The following ADAMTS16 variants were observed in gnomAD, a reference collection of about 807,000 sequenced individuals.
ADAMTS16 encodes A disintegrin and metalloproteinase with thrombospondin motifs 16.
A neutral mutation model predicts 145.8 loss-of-function variants in ADAMTS16; 94 were observed. The observed-to-expected ratio is 0.64, with a 90% CI of 0.55 to 0.77. The LOEUF (loss-of-function observed/expected upper bound fraction) is 0.77, where lower values mean the gene tolerates loss of function less well. Among genes scored for constraint, ADAMTS16 ranks in the 30% least tolerant of loss-of-function variants. ADAMTS16 has a pLI of 0.00. For synonymous variants in ADAMTS16, 659 were observed against 604.3 expected (o/e 1.09, Z -1.33); for missense variants, 1,585 against 1,591.5 (o/e 1.00, Z 0.07).
intron 21 of ADAMTS16, among the ~76,000 whole-genome samples, chr5:5,308,727 T>A (rs551251933): frequency 7.9e-5 from 12 of 152,238 alleles, no homozygotes; most frequent in African/African-American, 2.6e-4. Context: ...GGCACGTGGA[T>A]TACCTGAGGT....
At chr5:5,285,653 CTA>C (rs1318313246) in intron 18 of ADAMTS16, among the ~76,000 whole-genome samples, 1 of 152,152 alleles carries the variant, frequency 6.6e-6, no homozygotes, top group African/African-American at 2.4e-5. Flanking sequence ...ACTCTGTAAA[CTA>C]GAGGGATTTG....
At position 5,239,865 on chromosome 5, in the gene ADAMTS16, C is replaced by CTA. The variant is rs778073429; in HGVS notation, c.2466_2467dup (p.Asn823IlefsTer7). 1 of 1,614,070 alleles carries CTA rather than the reference C, an allele frequency of 6.2e-7. No homozygotes were observed. Among genetic ancestry groups the CTA allele is most frequent in the Admixed American group, 1.7e-5 (1 of 60,022 alleles). On this transcript the variant is annotated frameshift_variant, in exon 16 of 23. Coordinates refer to ENST00000274181, the MANE Select transcript of ADAMTS16 (RefSeq NM_139056.4). LOFTEE classifies it high-confidence loss of function. ...GCACTACTTTCGACTACAGACGGTCCTATAATGAGCCCGAGAACTTAATCG... is the reference window on the plus strand; with the variant it reads ...GCACTACTTTCGACTACAGACGGTCCTATATAATGAGCCCGAGAACTTAATCG...
chr5:5,184,264 G>A (rs1007883184), intron 4 of ADAMTS16, among the ~76,000 whole-genome samples: 7 of 151,868 alleles, frequency 4.6e-5, no homozygotes, highest in Non-Finnish European at 8.8e-5. Flanking sequence ...ACAGGTCCTC[G>A]TGTCACCTGT....
Position 5,191,781 on chromosome 5 carries a change from C to A in ADAMTS16, c.1304C>A (p.Ser435Tyr). The A allele has an allele frequency of 6.2e-7, 1 of 1,611,406 alleles. No homozygotes were observed. Among genetic ancestry groups the A allele is most frequent in the South Asian group, 1.1e-5 (1 of 90,412 alleles). Residue 435 changes from serine to tyrosine, a missense_variant, in exon 8 of 23, where the codon TCT (serine) becomes TAT (tyrosine). Coordinates refer to ENST00000274181, the MANE Select transcript of ADAMTS16 (RefSeq NM_139056.4). ...CTGGCCTTCACCATTGCCCATGAGT[C>A]TGGACACAAGTAAGTGCATCTCCAT... The part of the protein sequence containing the change: ...LGLAFTIAHE[S>Y]GHNFGMIHDG...
intron 2 of ADAMTS16, among the ~76,000 whole-genome samples, chr5:5,142,946 G>T (rs903937694): frequency 1.3e-5 from 2 of 152,148 alleles, no homozygotes; most frequent in Admixed American, 6.5e-5. Flanking sequence ...ACAAAAACAA[G>T]CAATGGGGAA....
Position 5,191,720 on chromosome 5 carries a change from C to A in ADAMTS16, c.1243C>A (p.Arg415Ser), listed in dbSNP as rs760889068. Residue 415 changes from arginine (R) to serine (S), a missense_variant, in exon 8 of 23, where the codon CGC becomes AGC. Around this residue, in one of 3 missense-constraint regions of ADAMTS16, gnomAD observed 298 missense variants for 367.6 expected, o/e 0.81. Transcript: ENST00000274181. ...CATAAGTGGAATGTGTAGTAAATAT[C>A]GCAGCTGCACGATTAATGAAGATAC... The part of the protein sequence containing the change: ...APISGMCSKY[R>S]SCTINEDTGL... 6.2e-7 allele frequency: 1 copy of A among 1,613,632 alleles called. No homozygotes were observed. Among genetic ancestry groups the A allele is most frequent in the South Asian group, 1.1e-5 (1 of 91,048 alleles).
intron 14 of ADAMTS16, among the ~76,000 whole-genome samples, chr5:5,238,605 A>T (rs1737184164): frequency 6.6e-6 from 1 of 152,180 alleles, no homozygotes; most frequent in Non-Finnish European, 1.5e-5. Flanking sequence ...TTTTGTACAT[A>T]TAGAGCCTAT....
chr5:5,204,492 G>A (rs1001848315), intron 9 of ADAMTS16, among the ~76,000 whole-genome samples: 1 of 152,214 alleles, frequency 6.6e-6, no homozygotes, highest in Admixed American at 6.5e-5. Flanking sequence ...AAGGGCTTCC[G>A]CTCTTCCCCA....
chr5:5,272,863 T>C (rs1206582216), intron 18 of ADAMTS16, among the ~76,000 whole-genome samples: 10 of 152,230 alleles, frequency 6.6e-5, no homozygotes, highest in Non-Finnish European at 1.5e-4. Flanking sequence ...TTCTATACTG[T>C]TGTCAGATCA....
At chr5:5,215,282 C>T (rs1736385472) in intron 10 of ADAMTS16, among the ~76,000 whole-genome samples, 1 of 152,150 alleles carries the variant, frequency 6.6e-6, no homozygotes, top group African/African-American at 2.4e-5. Flanking sequence ...AAGCATCTCA[C>T]TGCTTGAAGA....
At chr5:5,294,501 A>G (rs576264244) in intron 18 of ADAMTS16, among the ~76,000 whole-genome samples, 1 of 152,224 alleles carries the variant, frequency 6.6e-6, no homozygotes. Context: ...TGAGGCCTTC[A>G]ACAGACTGGA....
chr5:5,146,606 C>A (rs1734304252), intron 3 of ADAMTS16, 151 bp downstream of exon 3: 2 of 875,004 alleles, frequency 2.3e-6, no homozygotes, highest in Admixed American at 2.9e-5. Context: ...TAAAACTTTT[C>A]CAAAAAACAT....
intron 17 of ADAMTS16, among the ~76,000 whole-genome samples, chr5:5,261,518 T>C (rs1738026920): frequency 1.4e-5 from 2 of 145,634 alleles, no homozygotes; most frequent in South Asian, 4.4e-4. Context: ...GTCAGAGTCT[T>C]GCTCTGCCAC....
At chr5:5,181,214 A>T (rs948753029) in intron 3 of ADAMTS16, among the ~76,000 whole-genome samples, 9 of 152,194 alleles carry the variant, frequency 5.9e-5, no homozygotes, top group Non-Finnish European at 1.2e-4. Context: ...TTAACTCATA[A>T]TGTCTGTGGT....
intron 3 of ADAMTS16, among the ~76,000 whole-genome samples, chr5:5,166,851 T>C (rs1054973281): frequency 1.3e-5 from 2 of 152,214 alleles, no homozygotes; most frequent in Non-Finnish European, 2.9e-5. Context: ...AGAACACACA[T>C]GTCAGTGGCT....
intron 11 of ADAMTS16, 38 bp from the exon 12 acceptor site, chr5:5,232,330 T>C: frequency 6.2e-7 from 1 of 1,613,532 alleles, no homozygotes; most frequent in South Asian, 1.1e-5. Context: ...TATCCATCTG[T>C]GTGAGTCAAG....
chr5:5,199,722 A>G (rs1187061214), intron 8 of ADAMTS16, among the ~76,000 whole-genome samples: 1 of 152,180 alleles, frequency 6.6e-6, no homozygotes, highest in African/African-American at 2.4e-5. Flanking sequence ...TGAGTCAACA[A>G]TTCCTGGGTA....
At chr5:5,296,450 T>C (rs1739534892) in intron 18 of ADAMTS16, among the ~76,000 whole-genome samples, 1 of 152,206 alleles carries the variant, frequency 6.6e-6, no homozygotes, top group African/African-American at 2.4e-5. Context: ...AAAATAAAAT[T>C]AGTACAACTT....
intron 21 of ADAMTS16, among the ~76,000 whole-genome samples, chr5:5,312,187 G>C (rs1245221755): frequency 1.3e-5 from 2 of 152,122 alleles, no homozygotes; most frequent in Non-Finnish European, 2.9e-5. Flanking sequence ...GCTGTGTTGT[G>C]GGCCAGCTCC....
Sources: gnomAD v4.1 joint callset for allele counts (sites outside exome capture counted in the v4.1 genomes callset) on GRCh38, gnomAD v4.1.1 for gene constraint, gnomAD v4.1.1 regional missense constraint, MANE v1.5 for transcripts, NCBI Gene and HGNC (gene_info 2026-07-23, HGNC 2026-07-21) for gene names.